The following IFNAR2 variants were observed in gnomAD, a reference collection of about 807,000 sequenced individuals.
IFNAR2 encodes the protein interferon alpha/beta receptor 2.
Under a neutral mutation model 49.4 loss-of-function variants are expected in IFNAR2, and 30 were observed. The ratio of observed to expected loss-of-function variants is 0.61; its 90% confidence interval spans 0.45 to 0.82. The LOEUF (loss-of-function observed/expected upper bound fraction) is 0.82. Ranked by LOEUF, IFNAR2 falls within the 40% of genes least tolerant of loss-of-function variation. The pLI is 0.00. For synonymous variants in IFNAR2, 224 were observed against 234.5 expected, an observed-to-expected ratio of 0.96 and a Z score of 0.41; for missense variants, 600 against 622.7, an observed-to-expected ratio of 0.96 and a Z score of 0.39.
At chr21:33,243,575 C>T in intron 2 of IFNAR2, 98 bp from the exon 3 acceptor site, 1 of 1,098,470 alleles carries the variant, frequency 9.1e-7, no homozygotes, top group Non-Finnish European at 1.4e-6. Flanking sequence ...AATCTGATAC[C>T]AATAAATGTG....
rs1018619955 is a variant in IFNAR2 at position 33,258,846 on chromosome 21, G to A, written c.710-1751G>A. On this transcript the variant is annotated intron_variant, in intron 7 of 8. Coordinates refer to ENST00000342136, the MANE Select transcript of IFNAR2 (RefSeq NM_001289125.3). ...GATGGGGACCCTCAGAGGGTTGTGA[G>A]CAGGTTGCTCTCCGTGATCTGACGT... Among the ~76,000 whole-genome samples, 3 of 152,290 alleles carry A rather than the reference G, an allele frequency of 2.0e-5. No homozygotes were observed. The South Asian group carries it at 6.2e-4, about 32-fold the overall frequency.
At chr21:33,232,716 G>A (rs1296360862) in intron 1 of IFNAR2, among the ~76,000 whole-genome samples, 5 of 151,586 alleles carry the variant, frequency 3.3e-5, no homozygotes, top group African/African-American at 9.7e-5. Flanking sequence ...TTCTCACAAA[G>A]GAACAGTGGG....
At chr21:33,246,664 C>A in intron 4 of IFNAR2, 54 bp from the exon 5 acceptor site, 1 of 1,427,170 alleles carries the variant, frequency 7.0e-7, no homozygotes, top group Non-Finnish European at 9.7e-7. Context: ...CAAAAATAGA[C>A]TCTCATTACA....
chr21:33,259,241 T>C (rs974758614), intron 7 of IFNAR2, among the ~76,000 whole-genome samples: 7 of 152,124 alleles, frequency 4.6e-5, no homozygotes, highest in African/African-American at 1.7e-4. Flanking sequence ...ATCTGGTCCA[T>C]CTTTCATGAA....
intron 6 of IFNAR2, chr21:33,252,459 T>C: frequency 2.0e-6 from 2 of 985,052 alleles, no homozygotes; most frequent in Non-Finnish European, 2.4e-6. Context: ...AAAATATGTG[T>C]GTGTGCAGGT....
chr21:33,251,589 A>G (rs1987840250), intron 6 of IFNAR2: 1 of 985,346 alleles, frequency 1.0e-6, no homozygotes, highest in African/African-American at 1.7e-5. Context: ...TCCTCCTCCC[A>G]AACAGAAATT....
chr21:33,257,164 T>G (rs1458319171), intron 7 of IFNAR2, among the ~76,000 whole-genome samples: 1 of 152,144 alleles, frequency 6.6e-6, no homozygotes, highest in Non-Finnish European at 1.5e-5. Context: ...TTACTGGTGG[T>G]GATCTATGGC....
chr21:33,233,319 T>C (rs1436163341), intron 1 of IFNAR2, among the ~76,000 whole-genome samples: 2 of 152,030 alleles, frequency 1.3e-5, no homozygotes, highest in Non-Finnish European at 2.9e-5. Flanking sequence ...CAATCAAGAA[T>C]TGGGACCACT....
Position 33,263,815 on chromosome 21 carries a change from A to T in IFNAR2, c.*315A>T. Reference sequence around the variant, plus strand: ...GGAGCAGGGTTCCCCACAGTTTCAGAGGTGGTCCAGGACCCTATGATATTT... The same window carrying T: ...GGAGCAGGGTTCCCCACAGTTTCAGTGGTGGTCCAGGACCCTATGATATTT... On this transcript the variant is annotated 3_prime_UTR_variant, in exon 9 of 9. Transcript: ENST00000342136. 2 of 294,420 alleles carry T rather than the reference A, an allele frequency of 6.8e-6. No individual in the cohort carries two copies. The highest frequency in any genetic ancestry group is 4.9e-5 in the South Asian group (1 of 20,224). The allele number at this position is 294,420 out of a possible 1,614,324, so 18.2% of individuals were successfully genotyped here. A position where few individuals can be genotyped will look rare whatever the true frequency, so the allele number is the denominator to read the frequency against.
At chr21:33,246,216 G>A (rs1320570788) in intron 4 of IFNAR2, among the ~76,000 whole-genome samples, 4 of 151,798 alleles carry the variant, frequency 2.6e-5, no homozygotes, top group Non-Finnish European at 2.9e-5. Context: ...GACTACAGGC[G>A]CCCGCCACCA....
At chr21:33,236,990 T>C in intron 1 of IFNAR2, 1 of 585,500 alleles carries the variant, frequency 1.7e-6, no homozygotes, top group Non-Finnish European at 2.2e-6. Flanking sequence ...AAGAAGAATC[T>C]GGTAATCAGG....
intron 6 of IFNAR2, 46 bp from the exon 7 acceptor site, chr21:33,252,615 TC>T: frequency 2.5e-6 from 4 of 1,587,024 alleles, no homozygotes; most frequent in Non-Finnish European, 3.4e-6. Context: ...AAGGCCTACC[TC>T]TAAATGAAAT....
chr21:33,234,880 T>C, intron 1 of IFNAR2: 1 of 252,094 alleles, frequency 4.0e-6, no homozygotes, highest in East Asian at 1.8e-4. Context: ...AAAGGGTGGC[T>C]ACTCCATAGG....
intron 4 of IFNAR2, among the ~76,000 whole-genome samples, chr21:33,246,228 G>A (rs1015593101): frequency 1.2e-4 from 18 of 151,990 alleles, no homozygotes; most frequent in Non-Finnish European, 1.9e-4. Context: ...CCGCCACCAC[G>A]CCCAGCTAAT....
chr21:33,245,050 A>G lies in IFNAR2; in HGVS notation c.197A>G (p.Tyr66Cys), dbSNP rs772583115. The change falls in exon 4 of 9, where the codon TAT becomes TGT. Residue 66 changes from tyrosine to cysteine, a missense_variant. Physicochemically the swap from Tyr to Cys is radical, Grantham distance 194 (BLOSUM62 -2). Transcript: ENST00000342136. ...AACCACTCCATTGTACCAACTCACT[A>G]TACATTGCTGTATACAATCATGAGG... ...LKNHSIVPTH[Y>C]TLLYTIMSKP... 6 of 1,610,374 alleles carry G rather than the reference A, an allele frequency of 3.7e-6. No homozygotes were observed. The highest frequency in any genetic ancestry group is 1.6e-4 in the Middle Eastern group (1 of 6,078).
At chr21:33,243,613 T>A (rs1987160551) in intron 2 of IFNAR2, 60 bp from the exon 3 acceptor site, 1 of 1,386,054 alleles carries the variant, frequency 7.2e-7, no homozygotes, top group African/African-American at 1.4e-5. Flanking sequence ...CTTAGAGTAA[T>A]CATTGCAAGT....
In IFNAR2 at chr21:33,230,150, C is replaced by G. The variant is rs1985927518; in HGVS notation, c.-150C>G. Reference sequence around the variant, plus strand: ...CATCCTGACCGCGAGCGTCGGGTCCCAGAGCCGGGCGCGGCTGGGGCCCGA... The same window carrying G: ...CATCCTGACCGCGAGCGTCGGGTCCGAGAGCCGGGCGCGGCTGGGGCCCGA... On this transcript the variant is annotated 5_prime_UTR_variant, in exon 1 of 9. Coordinates refer to ENST00000342136, the MANE Select transcript of IFNAR2 (RefSeq NM_001289125.3). This position sits in a 1 kb window ranked among gnomAD's most constrained non-coding sequence, Gnocchi z 5.5. The G allele has an allele frequency of 2.0e-6, 2 of 999,438 alleles. No individual in the cohort carries two copies. Among genetic ancestry groups the G allele is most frequent in the African/African-American group, 3.5e-5 (2 of 57,278 alleles). The allele number at this position is 999,438 out of a possible 1,614,324, so 61.9% of individuals were successfully genotyped here. A position where few individuals can be genotyped will look rare whatever the true frequency, so the allele number is the denominator to read the frequency against.
At chr21:33,250,777 G>C (rs1047036005) in intron 6 of IFNAR2, among the ~76,000 whole-genome samples, 1 of 152,112 alleles carries the variant, frequency 6.6e-6, no homozygotes, top group Non-Finnish European at 1.5e-5. Flanking sequence ...GACCTCAGGC[G>C]ATCCACCCAC....
intron 6 of IFNAR2, among the ~76,000 whole-genome samples, chr21:33,251,202 C>T (rs1316129495): frequency 6.6e-6 from 1 of 152,054 alleles, no homozygotes; most frequent in Non-Finnish European, 1.5e-5. Context: ...GAGGAAGAAA[C>T]AGCAAAATCG....
Sources: gnomAD v4.1 joint callset for allele counts (sites outside exome capture counted in the v4.1 genomes callset) on GRCh38, gnomAD v4.1.1 for gene constraint, Gnocchi (gnomAD v3.1) non-coding constraint, MANE v1.5 for transcripts, NCBI Gene and HGNC (gene_info 2026-07-23, HGNC 2026-07-21) for gene names.